The following TRPC1 variants were observed in gnomAD, a reference collection of about 807,000 sequenced individuals.
TRPC1 encodes the protein transient receptor potential cation channel subfamily C member 1.
A neutral mutation model predicts 88.2 loss-of-function variants in TRPC1; 42 were observed. The ratio of observed to expected loss-of-function variants is 0.48; its 90% confidence interval spans 0.37 to 0.62. TRPC1 has a LOEUF of 0.62. Among genes scored for constraint, TRPC1 ranks in the 20% least tolerant of loss-of-function variants. TRPC1 has a pLI of 0.00. For synonymous variants in TRPC1, 288 were observed against 331.8 expected, an observed-to-expected ratio of 0.87 and a Z score of 1.43; for missense variants, 699 against 957.3, an observed-to-expected ratio of 0.73 and a Z score of 3.56.
chr3:142,793,506 C>G (rs1341385188), intron 9 of TRPC1, among the ~76,000 whole-genome samples: 2 of 151,862 alleles, frequency 1.3e-5, no homozygotes, highest in Admixed American at 1.3e-4. Flanking sequence ...TTTTATAATA[C>G]TTTATAGTTA....
chr3:142,803,256 G>A (rs757281625), intron 10 of TRPC1, among the ~76,000 whole-genome samples: 3 of 152,170 alleles, frequency 2.0e-5, no homozygotes, highest in Non-Finnish European at 4.4e-5. Flanking sequence ...TCTAAAGCTG[G>A]TAAAGGAGCA....
At chr3:142,784,306 G>T (rs932237539) in intron 6 of TRPC1, among the ~76,000 whole-genome samples, 1 of 133,428 alleles carries the variant, frequency 7.5e-6, no homozygotes, top group Admixed American at 6.9e-5. Flanking sequence ...GGCTAAGTAA[G>T]CTAATAATAA....
chr3:142,784,799 G>A lies in TRPC1; in HGVS notation c.1056G>A (p.Met352Ile). Reference protein sequence around the residue: ...YRRKPTCKKIMTVLTVGIFWP... With the variant: ...YRRKPTCKKIITVLTVGIFWP... ...GCAAGCCCACCTGTAAGAAGATAAT[G>A]ACTGTTTTGACAGTAGGCATCTTTT... The change falls in exon 7 of 13, where the codon ATG (methionine) becomes ATA (isoleucine). Residue 352 changes from methionine to isoleucine, a missense_variant. Around this residue, in one of 4 missense-constraint regions of TRPC1, gnomAD observed 426 missense variants for 641.3 expected, o/e 0.66. Coordinates refer to ENST00000476941, the MANE Select transcript of TRPC1 (RefSeq NM_001251845.2). 1 of 1,614,148 alleles carries A rather than the reference G, an allele frequency of 6.2e-7. No homozygotes were observed. Among genetic ancestry groups the A allele is most frequent in the Non-Finnish European group, 8.5e-7 (1 of 1,180,008 alleles).
rs147099302 is a variant in TRPC1 at position 142,766,887 on chromosome 3, C to T, written c.633-10745C>T. ...TGTCCCTCTAGAGAACTCTAATACA[C>T]ACAGTAAGTCCTCCATTTTAAAATC... On this transcript the variant is annotated intron_variant, in intron 4 of 12. Transcript: ENST00000476941. Among the ~76,000 whole-genome samples, 41 of 152,310 alleles carry T rather than the reference C, an allele frequency of 2.7e-4. 1 individual carries two copies. The highest frequency in any genetic ancestry group is 9.6e-4 in the African/African-American group (40 of 41,580).
intron 4 of TRPC1, among the ~76,000 whole-genome samples, chr3:142,775,297 A>G (rs1935729232): frequency 1.3e-5 from 2 of 152,238 alleles, no homozygotes; most frequent in African/African-American, 2.4e-5. Context: ...TCCGTATAGA[A>G]AAATTCATTA....
chr3:142,750,591 T>C (rs1313656555), intron 4 of TRPC1, among the ~76,000 whole-genome samples: 1 of 152,204 alleles, frequency 6.6e-6, no homozygotes, highest in African/African-American at 2.4e-5. Flanking sequence ...TTATAAATCA[T>C]TTTACTATAA....
chr3:142,789,831 A>G (rs959861656), intron 7 of TRPC1, among the ~76,000 whole-genome samples: 7 of 152,162 alleles, frequency 4.6e-5, no homozygotes, highest in Non-Finnish European at 1.5e-5. Flanking sequence ...TCATTTGGCA[A>G]TATTTTTTAG....
chr3:142,734,200 A>T (rs1223149638), intron 1 of TRPC1, among the ~76,000 whole-genome samples: 4 of 152,174 alleles, frequency 2.6e-5, no homozygotes, highest in Non-Finnish European at 5.9e-5. Context: ...TCAAATTAAT[A>T]CTACTTTCAG....
intron 4 of TRPC1, among the ~76,000 whole-genome samples, chr3:142,760,617 A>G (rs1320484074): frequency 2.0e-5 from 3 of 152,100 alleles, no homozygotes; most frequent in Non-Finnish European, 4.4e-5. Flanking sequence ...TTCTCTGAAG[A>G]ATGTCGTTGG....
At chr3:142,755,242 G>A (rs185461823) in intron 4 of TRPC1, among the ~76,000 whole-genome samples, 1 of 152,192 alleles carries the variant, frequency 6.6e-6, no homozygotes, top group East Asian at 1.9e-4. Context: ...GGCCAACATG[G>A]TGAAAACCCA....
intron 5 of TRPC1, among the ~76,000 whole-genome samples, chr3:142,779,861 A>ATTTTTTTTTTTTTTTTTTTT (rs1008974297): frequency 8.0e-6 from 1 of 125,420 alleles, no homozygotes; most frequent in Non-Finnish European, 1.7e-5. Context: ...AATGTAATTG[A>ATTTTTTTTTTTTTTTTTTTT]TTTTTTTTTT....
At chr3:142,787,996 A>C (rs959505218) in intron 7 of TRPC1, among the ~76,000 whole-genome samples, 10 of 152,176 alleles carry the variant, frequency 6.6e-5, no homozygotes, top group Admixed American at 2.6e-4. Flanking sequence ...AAAGGCTAAC[A>C]TTTCTGGAGC....
chr3:142,747,474 G>A (rs1934599492), intron 3 of TRPC1, among the ~76,000 whole-genome samples: 1 of 152,108 alleles, frequency 6.6e-6, no homozygotes, highest in Non-Finnish European at 1.5e-5. Flanking sequence ...CTCCTGTAGT[G>A]GAAGGAGCTC....
chr3:142,731,330 G>A (rs1301858710), intron 1 of TRPC1, among the ~76,000 whole-genome samples: 3 of 148,298 alleles, frequency 2.0e-5, no homozygotes, highest in Non-Finnish European at 4.5e-5. Context: ...TTTATTTTAA[G>A]TGTGATAGAA....
chr3:142,780,860 A>G lies in TRPC1; in HGVS notation c.791A>G (p.Gln264Arg), dbSNP rs1935937060. 1.2e-6 allele frequency: 2 copies of G among 1,611,604 alleles called. No homozygotes were observed. Among genetic ancestry groups the G allele is most frequent in the Non-Finnish European group, 1.7e-6 (2 of 1,178,992 alleles). The change falls in exon 6 of 13, where the codon CAA becomes CGA. Residue 264 changes from glutamine to arginine, a missense_variant. Gln to Arg is a conservative substitution (Grantham distance 43, BLOSUM62 1). Transcript: ENST00000476941. ...AATGATTATGAGGAACTAGCCCGGC[A>G]ATGTAAAATGTTTGCTAAGGATTTA... ...FRNDYEELAR[Q>R]CKMFAKDLLA...
At chr3:142,741,172 G>A (rs534251379) in intron 2 of TRPC1, among the ~76,000 whole-genome samples, 6 of 151,636 alleles carry the variant, frequency 4.0e-5, no homozygotes, top group African/African-American at 1.5e-4. Context: ...AACTAGTGAG[G>A]ATTTTTTGTA....
chr3:142,731,275 A>G (rs1207583900), intron 1 of TRPC1, among the ~76,000 whole-genome samples: 1 of 152,054 alleles, frequency 6.6e-6, no homozygotes, highest in Non-Finnish European at 1.5e-5. Flanking sequence ...AACAAGGTCT[A>G]ACTAAGTCCT....
At chr3:142,785,587 C>T (rs977738165) in intron 7 of TRPC1, among the ~76,000 whole-genome samples, 9 of 152,128 alleles carry the variant, frequency 5.9e-5, no homozygotes, top group African/African-American at 1.4e-4. Flanking sequence ...CTGCAACCTC[C>T]GCCTCCCGGG....
intron 9 of TRPC1, among the ~76,000 whole-genome samples, chr3:142,797,058 T>A (rs948245408): frequency 6.6e-6 from 1 of 150,520 alleles, no homozygotes; most frequent in African/African-American, 2.5e-5. Flanking sequence ...CACCACCTTT[T>A]CTTCAGTGCT....
Sources: allele counts gnomAD v4.1 joint callset (sites outside exome capture counted in the v4.1 genomes callset), GRCh38; gene constraint gnomAD v4.1.1; regional missense constraint gnomAD v4.1.1; transcripts MANE v1.5; gene names NCBI Gene and HGNC (gene_info 2026-07-23, HGNC 2026-07-21).